The following DIAPH3 variants were observed in gnomAD, a reference collection of about 807,000 sequenced individuals.
DIAPH3 encodes the protein protein diaphanous homolog 3.
A neutral mutation model predicts 144.3 loss-of-function variants in DIAPH3; 117 were observed. The observed-to-expected ratio is 0.81, with a 90% CI of 0.70 to 0.95. The LOEUF (loss-of-function observed/expected upper bound fraction) is 0.95, where lower values mean the gene tolerates loss of function less well. Among genes scored for constraint, DIAPH3 ranks in the 40% least tolerant of loss-of-function variants. The pLI is 0.00. For synonymous variants in DIAPH3, 519 were observed against 488.9 expected, an observed-to-expected ratio of 1.06 and a Z score of -0.81; for missense variants, 1,421 against 1,412.7, an observed-to-expected ratio of 1.01 and a Z score of -0.09.
chr13:59,714,639 C>T (rs78148229), intron 27 of DIAPH3, among the ~76,000 whole-genome samples: 39 of 152,250 alleles, frequency 2.6e-4, no homozygotes, highest in African/African-American at 8.9e-4. Context: ...TAAGATGCCA[C>T]ATCCTCAACT....
At chr13:60,057,434 T>C (rs140942415) in intron 4 of DIAPH3, among the ~76,000 whole-genome samples, 73 of 152,102 alleles carry the variant, frequency 4.8e-4, no homozygotes, top group African/African-American at 1.7e-3. Context: ...TGTTCCAGAA[T>C]TGGAAGAATC....
chr13:59,731,843 T>G (rs1309394792), intron 27 of DIAPH3, among the ~76,000 whole-genome samples: 1 of 152,214 alleles, frequency 6.6e-6, no homozygotes, highest in Non-Finnish European at 1.5e-5. Context: ...ATTTCTTGCT[T>G]ATTTTCTGCT....
chr13:60,126,446 T>C (rs934495807), intron 2 of DIAPH3, among the ~76,000 whole-genome samples: 2 of 152,312 alleles, frequency 1.3e-5, no homozygotes, highest in East Asian at 1.9e-4. Flanking sequence ...ATATGCACTT[T>C]ACTGCAAAGC....
At chr13:59,742,507 G>T (rs527445711) in intron 27 of DIAPH3, among the ~76,000 whole-genome samples, 1 of 151,516 alleles carries the variant, frequency 6.6e-6, no homozygotes, top group South Asian at 2.1e-4. Flanking sequence ...TCAATCCACA[G>T]ATGAGTAGTA....
At chr13:59,856,034 T>C (rs1049976484) in intron 22 of DIAPH3, among the ~76,000 whole-genome samples, 1 of 152,162 alleles carries the variant, frequency 6.6e-6, no homozygotes, top group Admixed American at 6.6e-5. Flanking sequence ...ATGAGAATTT[T>C]CATGAATATA....
At chr13:60,055,265 A>G (rs2141264789) in intron 4 of DIAPH3, among the ~76,000 whole-genome samples, 1 of 152,070 alleles carries the variant, frequency 6.6e-6, no homozygotes, top group Admixed American at 6.6e-5. Context: ...TTAACTTGAC[A>G]TAGCAGAAGA....
chr13:59,667,151 T>C (rs2032066915), intron 27 of DIAPH3, among the ~76,000 whole-genome samples: 1 of 152,240 alleles, frequency 6.6e-6, no homozygotes, highest in African/African-American at 2.4e-5. Flanking sequence ...TTCAGGTCTC[T>C]GTTCAAACAC....
At chr13:59,980,915 C>T in intron 13 of DIAPH3, 56 bp from the exon 14 acceptor site, 2 of 1,419,136 alleles carry the variant, frequency 1.4e-6, no homozygotes, top group Non-Finnish European at 2.0e-6. Context: ...CTCATTATGA[C>T]TTCAAAAGTT....
intron 18 of DIAPH3, among the ~76,000 whole-genome samples, chr13:59,919,685 A>G (rs1450838026): frequency 6.6e-6 from 1 of 152,124 alleles, no homozygotes; most frequent in East Asian, 1.9e-4. Context: ...AAAGAAAAGG[A>G]TGATAATGAG....
At position 59,983,877 on chromosome 13, in the gene DIAPH3, A is replaced by G. The variant is rs1443251358; in HGVS notation, c.1372T>C (p.Phe458Leu). 2 of 1,601,538 alleles carry G rather than the reference A, an allele frequency of 1.2e-6. No homozygotes were observed. Among genetic ancestry groups the G allele is most frequent in the African/African-American group, 2.7e-5 (2 of 74,484 alleles). The change falls in exon 13 of 28, where the codon TTC becomes CTC. Residue 458 changes from phenylalanine to leucine, a missense_variant. Coordinates refer to ENST00000400324, the MANE Select transcript of DIAPH3 (RefSeq NM_001042517.2). ...RNDYFIRQQY[F>L]KLIDECVSQI... The stretch of plus-strand genomic sequence containing the variant: ...GATACACACTCATCAATTAATTTGA[A>G]GTATTGTTGCCTAAAACCAAAGAAA...
At position 59,943,581 on chromosome 13, in the gene DIAPH3, T is replaced by C. The variant is rs1410624515; in HGVS notation, c.2075-18711A>G. Among the ~76,000 whole-genome samples, 11 of 152,264 alleles carry C rather than the reference T, an allele frequency of 7.2e-5. No homozygotes were observed. In the East Asian group the frequency reaches 1.2e-3, roughly 16 times the overall value. On this transcript the variant is annotated intron_variant, in intron 17 of 27. Transcript: ENST00000400324. ...CCAAATCACTGAGTTAGGCTCTCTA[T>C]AGAAGAATACAGAAAAGTCAAATGT...
intron 23 of DIAPH3, among the ~76,000 whole-genome samples, chr13:59,835,663 G>A (rs2042010105): frequency 6.6e-6 from 1 of 151,734 alleles, no homozygotes; most frequent in African/African-American, 2.4e-5. Flanking sequence ...AGAAGAAAGT[G>A]AGAAGACTAA....
chr13:59,908,243 A>C (rs1220365371), intron 20 of DIAPH3, among the ~76,000 whole-genome samples: 2 of 151,688 alleles, frequency 1.3e-5, no homozygotes, highest in African/African-American at 4.8e-5. Context: ...GGTGTTGTGC[A>C]CCAAGCTGTA....
intron 17 of DIAPH3, among the ~76,000 whole-genome samples, chr13:59,946,906 A>G (rs146757061): frequency 1.9e-4 from 29 of 152,306 alleles, no homozygotes; most frequent in African/African-American, 6.3e-4. Flanking sequence ...AGTTGCACCC[A>G]GGGGTCAACA....
intron 27 of DIAPH3, among the ~76,000 whole-genome samples, chr13:59,767,685 GAT>G (rs770418144): frequency 1.3e-5 from 2 of 152,016 alleles, no homozygotes; most frequent in Non-Finnish European, 2.9e-5. Context: ...CAGAACAAGA[GAT>G]ATTAATCATA....
At chr13:60,095,467 A>C (rs2058080062) in intron 3 of DIAPH3, among the ~76,000 whole-genome samples, 1 of 152,090 alleles carries the variant, frequency 6.6e-6, no homozygotes, top group Non-Finnish European at 1.5e-5. Flanking sequence ...GGTTATTTAG[A>C]ATTTTCTAGG....
chr13:59,943,683 A>G (rs1383283615), intron 17 of DIAPH3, among the ~76,000 whole-genome samples: 1 of 152,192 alleles, frequency 6.6e-6, no homozygotes, highest in Non-Finnish European at 1.5e-5. Context: ...TTGGAACAAT[A>G]AGATGTGAAG....
intron 1 of DIAPH3, among the ~76,000 whole-genome samples, chr13:60,157,634 C>T (rs1952093943): frequency 6.6e-6 from 1 of 152,152 alleles, no homozygotes; most frequent in Admixed American, 6.5e-5. Flanking sequence ...GTCACATTTT[C>T]CTGTTTTTTC....
intron 5 of DIAPH3, among the ~76,000 whole-genome samples, chr13:60,036,603 G>C (rs2055246018): frequency 6.6e-6 from 1 of 152,018 alleles, no homozygotes; most frequent in Non-Finnish European, 1.5e-5. Context: ...AAAGAGAAAA[G>C]AAATACACCC....
Sources: gnomAD v4.1 joint callset for allele counts (sites outside exome capture counted in the v4.1 genomes callset) on GRCh38, gnomAD v4.1.1 for gene constraint, MANE v1.5 for transcripts, NCBI Gene and HGNC (gene_info 2026-07-23, HGNC 2026-07-21) for gene names.